CCNY: variants seen among roughly 807,000 people sequenced by gnomAD.
CCNY encodes cyclin Y.
CCNY carries 19 observed loss-of-function variants against 42.8 expected under a neutral mutation model. The observed-to-expected ratio is 0.44, with a 90% confidence interval of 0.31 to 0.65. The LOEUF (loss-of-function observed/expected upper bound fraction) is 0.65, where lower values mean the gene tolerates loss of function less well. Ranked by LOEUF, CCNY falls within the 30% of genes least tolerant of loss-of-function variation. The pLI is 0.07. For missense variants in CCNY, 370 were observed against 437.3 expected (o/e 0.85, Z 1.37); for synonymous variants, 165 against 162.7 (o/e 1.01, Z -0.11).
intron 1 of CCNY, among the ~76,000 whole-genome samples, chr10:35,362,837 C>T (rs1756829504): frequency 6.8e-6 from 1 of 147,694 alleles, no homozygotes; most frequent in African/African-American, 2.5e-5. Flanking sequence ...GGGGGCCAGG[C>T]AGAAGCACTC....
chr10:35,480,915 A>C (rs377128047), intron 1 of CCNY, among the ~76,000 whole-genome samples: 3 of 152,312 alleles, frequency 2.0e-5, no homozygotes, highest in South Asian at 4.1e-4. Context: ...GCAGTGAGCC[A>C]TGATTGCACT....
intron 1 of CCNY, among the ~76,000 whole-genome samples, chr10:35,380,944 T>C (rs571193995): frequency 6.6e-6 from 1 of 152,350 alleles, no homozygotes; most frequent in South Asian, 2.1e-4. Flanking sequence ...CAACTGACTT[T>C]CTGGGCTTGA....
At position 35,516,620 on chromosome 10, in the gene CCNY, AATGGTGGGTAT is replaced by A; in HGVS notation, c.365+2_365+12del. On this transcript the variant is annotated splice_donor_variant and splice_donor_5th_base_variant and coding_sequence_variant and intron_variant, in exon 4 of 10. Coordinates refer to ENST00000374704, the MANE Select transcript of CCNY (RefSeq NM_145012.6). LOFTEE classifies it high-confidence loss of function. ...CAACCAAACCTCAAGTATACAATTA[AATGGTGGGTAT>A]ATGGATTTATTTCCTTCCTTCCTTC... The A allele has an allele frequency of 6.4e-7, 1 of 1,555,272 alleles. No individual in the cohort carries two copies. The highest frequency in any genetic ancestry group is 8.9e-7 in the Non-Finnish European group (1 of 1,129,910).
intron 1 of CCNY, among the ~76,000 whole-genome samples, chr10:35,389,850 C>T (rs1282997000): frequency 6.6e-6 from 1 of 152,150 alleles, no homozygotes; most frequent in Non-Finnish European, 1.5e-5. Context: ...CTTGGGTATG[C>T]AATAAGAATG....
intron 5 of CCNY, 43 bp downstream of exon 5, chr10:35,526,042 CTGTTA>C (rs1840645735): frequency 3.2e-6 from 5 of 1,542,162 alleles, no homozygotes; most frequent in Non-Finnish European, 3.6e-6. Flanking sequence ...ACGTTATCTT[CTGTTA>C]TGTTGTTCCT....
chr10:35,364,209 CG>C (rs1390012670), intron 1 of CCNY, among the ~76,000 whole-genome samples: 1 of 152,016 alleles, frequency 6.6e-6, no homozygotes, highest in African/African-American at 2.4e-5. Context: ...TCATTTCTCA[CG>C]TGACTTCTGG....
chr10:35,525,605 G>A (rs912939017), intron 4 of CCNY, among the ~76,000 whole-genome samples: 3 of 151,768 alleles, frequency 2.0e-5, no homozygotes, highest in Non-Finnish European at 2.9e-5. Context: ...TAGGTTATGA[G>A]TTGGAGATTT....
chr10:35,436,777 C>G lies in CCNY; in HGVS notation c.155-46627C>G, dbSNP rs976643004. ...AATCTTAAAATGAGTTAATTTTTTC[C>G]TGTTTCTTTTTTTCCTTCTCTGTTG... On this transcript the variant is annotated intron_variant, in intron 1 of 9. Coordinates refer to ENST00000374704, the MANE Select transcript of CCNY (RefSeq NM_145012.6). Among the ~76,000 whole-genome samples the G allele has an allele frequency of 2.6e-5, 4 of 152,160 alleles. No individual in the cohort carries two copies. The East Asian group carries it at 7.7e-4, about 29-fold the overall frequency.
At chr10:35,395,888 G>T (rs1837514187) in intron 1 of CCNY, among the ~76,000 whole-genome samples, 1 of 152,160 alleles carries the variant, frequency 6.6e-6, no homozygotes, top group African/African-American at 2.4e-5. Context: ...GGGGATGGGG[G>T]CAGCACTCAC....
intron 1 of CCNY, among the ~76,000 whole-genome samples, chr10:35,438,421 G>A (rs1258571133): frequency 6.6e-6 from 1 of 151,988 alleles, no homozygotes; most frequent in Non-Finnish European, 1.5e-5. Context: ...CTTCCAAAGT[G>A]CCCAGGTTAC....
In CCNY at chr10:35,501,067, A is replaced by G. The variant is rs191031621; in HGVS notation, c.230-434A>G. Among the ~76,000 whole-genome samples the G allele has an allele frequency of 1.1e-4, 17 of 152,202 alleles. No individual in the cohort carries two copies. In the East Asian group the frequency reaches 2.5e-3, roughly 22 times the overall value. On this transcript the variant is annotated intron_variant, in intron 2 of 9. Coordinates refer to ENST00000374704, the MANE Select transcript of CCNY (RefSeq NM_145012.6). ...ATGTACATCGTCTTCCTGGATCTCA[A>G]TGCTTTCTAGATATTATTGTTATTT... is the stretch of plus-strand genomic sequence containing the variant.
chr10:35,265,770 C>G (rs1372158664), intron 3 of CCNY, among the ~76,000 whole-genome samples: 1 of 152,196 alleles, frequency 6.6e-6, no homozygotes, highest in Non-Finnish European at 1.5e-5. Context: ...CTCTCCAAAG[C>G]ACATAGCTTC....
intron 3 of CCNY, among the ~76,000 whole-genome samples, chr10:35,507,793 T>G (rs899921845): frequency 2.1e-4 from 2 of 9,362 alleles, no homozygotes; most frequent in Non-Finnish European, 0.013. Context: ...ACAGGGCCAG[T>G]TTTTTTTTTT....
At chr10:35,403,122 A>C (rs149635589) in intron 1 of CCNY, among the ~76,000 whole-genome samples, 2,814 of 14,000 alleles carry the variant, frequency 0.2, 96 homozygotes, top group African/African-American at 0.39. Flanking sequence ...TGTGTAGGGA[A>C]GGGTGGGGTG....
chr10:35,442,184 C>T (rs1349905306), intron 1 of CCNY, among the ~76,000 whole-genome samples: 1 of 152,162 alleles, frequency 6.6e-6, no homozygotes, highest in Non-Finnish European at 1.5e-5. Flanking sequence ...GTGTAGGGCC[C>T]TGTTTGCGTT....
intron 1 of CCNY, among the ~76,000 whole-genome samples, chr10:35,354,114 C>A (rs1050093335): frequency 1.3e-5 from 2 of 152,108 alleles, no homozygotes; most frequent in Non-Finnish European, 2.9e-5. Flanking sequence ...CTGGCTTCCC[C>A]TGGACCAAGT....
intron 1 of CCNY, among the ~76,000 whole-genome samples, chr10:35,416,159 C>CTGTG (rs1564402655): frequency 3.3e-5 from 4 of 119,830 alleles, no homozygotes; most frequent in African/African-American, 1.5e-4. Flanking sequence ...CTTGTGGCAC[C>CTGTG]CGTGTGTGTG....
chr10:35,387,502 C>T (rs767318036), intron 1 of CCNY, among the ~76,000 whole-genome samples: 1 of 152,088 alleles, frequency 6.6e-6, no homozygotes, highest in Non-Finnish European at 1.5e-5. Flanking sequence ...GAATGGCTTC[C>T]AAACTGTCGA....
intron 7 of CCNY, among the ~76,000 whole-genome samples, chr10:35,551,514 G>A (rs976500101): frequency 6.6e-6 from 1 of 152,042 alleles, no homozygotes; most frequent in African/African-American, 2.4e-5. Context: ...AGCATGGATG[G>A]TGTCTGTTTA....
Sources: gnomAD v4.1 joint callset for allele counts (sites outside exome capture counted in the v4.1 genomes callset) on GRCh38, gnomAD v4.1.1 for gene constraint, MANE v1.5 for transcripts, NCBI Gene and HGNC (gene_info 2026-07-23, HGNC 2026-07-21) for gene names.